Variants in KYNU observed in about 807,000 individuals in gnomAD.
KYNU encodes L-kynurenine hydrolase.
KYNU carries 54 observed loss-of-function variants against 59.2 expected under a neutral mutation model. That is an observed-to-expected ratio of 0.91 (90% CI 0.73 to 1.14). The LOEUF (loss-of-function observed/expected upper bound fraction) is 1.14. KYNU is among the 50% of genes most tolerant of loss of function. KYNU has a pLI of 0.00. For synonymous variants in KYNU, 177 were observed against 192.0 expected (o/e 0.92, Z 0.65); for missense variants, 567 against 554.4 (o/e 1.02, Z -0.23).
At chr2:142,903,241 G>C (rs918140051) in intron 2 of KYNU, among the ~76,000 whole-genome samples, 1 of 152,040 alleles carries the variant, frequency 6.6e-6, no homozygotes, top group African/African-American at 2.4e-5. Flanking sequence ...AGGGAAAGGA[G>C]GTGGAATCCT....
chr2:142,979,282 C>T (rs1339794704), intron 8 of KYNU, among the ~76,000 whole-genome samples: 2 of 152,112 alleles, frequency 1.3e-5, no homozygotes, highest in African/African-American at 4.8e-5. Context: ...AACAGAATCC[C>T]TCACATAATA....
intron 4 of KYNU, among the ~76,000 whole-genome samples, chr2:142,945,821 T>C (rs1028091561): frequency 4.0e-5 from 6 of 151,474 alleles, no homozygotes; most frequent in Non-Finnish European, 7.4e-5. Context: ...CACTGCAACC[T>C]CTGCCTCCCA....
chr2:142,983,856 G>A lies in KYNU; in HGVS notation c.730-1228G>A, dbSNP rs79751399. ...TAGCATTGTTTATATATGGCAAATC[G>A]TATTAGCACCTGACTTAATAAAAGA... On this transcript the variant is annotated intron_variant, in intron 8 of 13. Transcript: ENST00000264170. Among the ~76,000 whole-genome samples, 1,044 of 152,124 alleles carry A rather than the reference G, an allele frequency of 6.9e-3. 9 individuals carry two copies. Among genetic ancestry groups the A allele is most frequent in the African/African-American group, 0.022 (933 of 41,514 alleles).
rs764202362 is a variant in KYNU, at chr2:142,988,828, T to C, written c.902+2807T>C. ...ATTCTGTACCAAGTATCTTATATTG[T>C]ACTTCATTTGCATTAGGAGATCGGA... On this transcript the variant is annotated intron_variant, in intron 10 of 13. Transcript: ENST00000264170. 2.5e-6 allele frequency: 4 copies of C among 1,570,136 alleles called. No homozygotes were observed. The Admixed American group carries it at 5.0e-5, about 20-fold the overall frequency.
chr2:142,967,256 A>G (rs1044313794), intron 8 of KYNU: 9 of 152,128 alleles, frequency 5.9e-5, no homozygotes, highest in Non-Finnish European at 8.8e-5. Context: ...TTAATTTCTC[A>G]CATCTTTTAC....
intron 12 of KYNU, among the ~76,000 whole-genome samples, chr2:143,035,395 C>T (rs1686868230): frequency 6.6e-6 from 1 of 152,156 alleles, no homozygotes; most frequent in Admixed American, 6.5e-5. Context: ...TTAATCAAGC[C>T]TTATGTTGGT....
chr2:142,989,541 T>TGG (rs1685329453), intron 10 of KYNU: 1 of 960,550 alleles, frequency 1.0e-6, no homozygotes, highest in Non-Finnish European at 1.2e-6. Flanking sequence ...GAAATAACAT[T>TGG]TCTTCTCATG....
intron 2 of KYNU, among the ~76,000 whole-genome samples, chr2:142,907,711 T>C (rs1457443831): frequency 6.6e-6 from 1 of 152,248 alleles, no homozygotes; most frequent in Non-Finnish European, 1.5e-5. Flanking sequence ...AGGTGATATA[T>C]GATTTGACTA....
rs1687340070 is a variant in KYNU, at chr2:143,055,638, GGA to G, written c.*13467_*13468del. 7.5e-6 allele frequency: 1 copy of G among 133,518 alleles called. No homozygotes were observed. Among genetic ancestry groups the G allele is most frequent in the Admixed American group, 7.3e-5 (1 of 13,742 alleles). The allele number at this position is 133,518 out of a possible 1,614,324, so 8.3% of individuals were successfully genotyped here. A position where few individuals can be genotyped will look rare whatever the true frequency, so the allele number is the denominator to read the frequency against. On this transcript the variant is annotated 3_prime_UTR_variant, in exon 14 of 14. Coordinates refer to ENST00000264170, the MANE Select transcript of KYNU (RefSeq NM_003937.3). Reference sequence around the variant, plus strand: ...GTCATTAGTCATCTTACCACAGGAAGGAAGGAAGGAAGGAAGGAAGGAAGGAA... The same window carrying G: ...GTCATTAGTCATCTTACCACAGGAAGAGGAAGGAAGGAAGGAAGGAAGGAA...
At chr2:142,914,908 G>A (rs1388851592) in intron 2 of KYNU, among the ~76,000 whole-genome samples, 1 of 152,130 alleles carries the variant, frequency 6.6e-6, no homozygotes, top group African/African-American at 2.4e-5. Context: ...GTTTCTAATG[G>A]CCTTTATTTG....
chr2:142,970,530 T>C (rs901398270), intron 8 of KYNU, among the ~76,000 whole-genome samples: 1 of 152,176 alleles, frequency 6.6e-6, no homozygotes, highest in Non-Finnish European at 1.5e-5. Flanking sequence ...CTGTCACTAG[T>C]ACGTGATGGA....
At chr2:142,944,300 A>G (rs1450143116) in intron 4 of KYNU, among the ~76,000 whole-genome samples, 1 of 152,224 alleles carries the variant, frequency 6.6e-6, no homozygotes, top group Non-Finnish European at 1.5e-5. Context: ...ATCCATAAAC[A>G]TTAGCTTGCC....
At chr2:142,963,647 T>C (rs1422250200) in intron 8 of KYNU, among the ~76,000 whole-genome samples, 1 of 152,216 alleles carries the variant, frequency 6.6e-6, no homozygotes, top group Non-Finnish European at 1.5e-5. Flanking sequence ...GGTTGTGACA[T>C]ATAAAATTGG....
In KYNU at chr2:142,918,937, A is replaced by G. The variant is rs191305248; in HGVS notation, c.290+208A>G. On this transcript the variant is annotated intron_variant, in intron 3 of 13. Transcript: ENST00000264170. ...TATATACAAATGGCATCATATTTCC[A>G]AAGAACCTAGGCCTATGCCATATAC... 3.3e-5 allele frequency among the ~76,000 whole-genome samples: 5 copies of G among 152,390 alleles called. No homozygotes were observed. In the East Asian group the frequency reaches 7.7e-4, roughly 23 times the overall value.
At chr2:142,899,288 C>T (rs1179279048) in intron 2 of KYNU, among the ~76,000 whole-genome samples, 3 of 152,144 alleles carry the variant, frequency 2.0e-5, no homozygotes, top group Admixed American at 6.5e-5. Flanking sequence ...CCTTGTTGTG[C>T]TCTCAGGCGA....
intron 13 of KYNU, 93 bp downstream of exon 13, chr2:143,040,751 T>C (rs998314701): frequency 1.3e-6 from 1 of 747,994 alleles, no homozygotes; most frequent in Non-Finnish European, 2.2e-6. Flanking sequence ...TGTTGCATGT[T>C]ATTTCACATC....
intron 10 of KYNU, among the ~76,000 whole-genome samples, chr2:143,001,327 C>A (rs902925660): frequency 2.0e-5 from 3 of 152,126 alleles, no homozygotes; most frequent in Non-Finnish European, 4.4e-5. Flanking sequence ...AGAGACAATG[C>A]CTGTTTTGTC....
chr2:142,892,701 CA>C (rs1477039124), intron 2 of KYNU, among the ~76,000 whole-genome samples: 1 of 152,052 alleles, frequency 6.6e-6, no homozygotes, highest in Non-Finnish European at 1.5e-5. Context: ...AGAGGCATAC[CA>C]TGAGCCATAA....
At chr2:142,975,126 GT>G in intron 8 of KYNU, among the ~76,000 whole-genome samples, 1 of 152,096 alleles carries the variant, frequency 6.6e-6, no homozygotes, top group South Asian at 2.1e-4. Context: ...CCTAAATGTT[GT>G]TTTTTCCAAA....
Sources: gnomAD v4.1 joint callset for allele counts (sites outside exome capture counted in the v4.1 genomes callset) on GRCh38, gnomAD v4.1.1 for gene constraint, MANE v1.5 for transcripts, NCBI Gene and HGNC (gene_info 2026-07-23, HGNC 2026-07-21) for gene names.